Variants in SLC2A9 observed in about 807,000 individuals in gnomAD.
SLC2A9 encodes solute carrier family 2, facilitated glucose transporter member 9.
A neutral mutation model predicts 50.6 loss-of-function variants in SLC2A9; 39 were observed. The ratio of observed to expected loss-of-function variants is 0.77; its 90% CI spans 0.60 to 1.01. The LOEUF (loss-of-function observed/expected upper bound fraction) is 1.01, where lower values mean the gene tolerates loss of function less well. Ranked by LOEUF, SLC2A9 falls within the 50% of genes least tolerant of loss-of-function variation. SLC2A9 has a pLI of 0.00. For synonymous variants in SLC2A9, 324 were observed against 276.9 expected (o/e 1.17, Z -1.69); for missense variants, 686 against 677.6 (o/e 1.01, Z -0.14).
chr4:9,801,707 C>T (rs1721429670), intron 3 of SLC2A9, among the ~76,000 whole-genome samples: 1 of 152,166 alleles, frequency 6.6e-6, no homozygotes, highest in South Asian at 2.1e-4. Flanking sequence ...TCAGGGTGCC[C>T]AGGAACTGTC....
chr4:9,846,716 C>A (rs1386753503), intron 10 of SLC2A9, among the ~76,000 whole-genome samples: 1 of 152,182 alleles, frequency 6.6e-6, no homozygotes, highest in African/African-American at 2.4e-5. Context: ...ACCATTGGCA[C>A]TAACTCTTGC....
intron 7 of SLC2A9, among the ~76,000 whole-genome samples, chr4:9,909,010 T>C (rs1191068589): frequency 6.6e-6 from 1 of 152,190 alleles, no homozygotes; most frequent in African/African-American, 2.4e-5. Flanking sequence ...TTAACCTCCA[T>C]CGTAACTTTA....
intron 5 of SLC2A9, among the ~76,000 whole-genome samples, chr4:9,950,768 C>T (rs1750084547): frequency 2.8e-5 from 1 of 35,832 alleles, no homozygotes. Flanking sequence ...TAGCGGGCGC[C>T]TGTAGTCTCA....
At chr4:9,790,877 T>C (rs967958822) in intron 3 of SLC2A9, among the ~76,000 whole-genome samples, 3 of 152,272 alleles carry the variant, frequency 2.0e-5, no homozygotes, top group Admixed American at 2.0e-4. Flanking sequence ...GATCCTGCCC[T>C]GATCTTGCCT....
At chr4:9,945,576 G>A (rs77459722) in intron 5 of SLC2A9, among the ~76,000 whole-genome samples, 10,970 of 152,124 alleles carry the variant, frequency 0.072, 886 homozygotes, top group East Asian at 0.46. Flanking sequence ...ATGACTGGCC[G>A]CCAAATCTGG....
chr4:9,849,867 G>A (rs1729579982), intron 10 of SLC2A9, among the ~76,000 whole-genome samples: 1 of 152,110 alleles, frequency 6.6e-6, no homozygotes, highest in Non-Finnish European at 1.5e-5. Context: ...AGTCTTGCTG[G>A]TAGGTTCTCA....
At chr4:9,957,683 A>G (rs1335900341) in intron 5 of SLC2A9, among the ~76,000 whole-genome samples, 1 of 152,218 alleles carries the variant, frequency 6.6e-6, no homozygotes, top group Non-Finnish European at 1.5e-5. Flanking sequence ...AGAAATTAAA[A>G]ATATGATAAA....
At position 9,920,433 on chromosome 4, in the gene SLC2A9, G is replaced by T; in HGVS notation, c.954C>A (p.Val318=). ...LRAPYVRWQV[V]TVIVTMACYQ... ...AGCAGGCCATGGTGACAATCACGGT[G>T]ACCACCTGCCAGCGGACGTAGGGAG... The change falls in exon 7 of 12, where the codon GTC becomes GTA. Residue 318 remains valine (V), a synonymous_variant. Transcript: ENST00000264784. The T allele has an allele frequency of 3.7e-6, 6 of 1,614,154 alleles. No homozygotes were observed. The highest frequency in any genetic ancestry group is 5.1e-6 in the Non-Finnish European group (6 of 1,180,028).
At chr4:9,835,191 A>T (rs1424550586) in intron 10 of SLC2A9, among the ~76,000 whole-genome samples, 183 bp from the exon 11 acceptor site, 1 of 151,844 alleles carries the variant, frequency 6.6e-6, no homozygotes, top group Non-Finnish European at 1.5e-5. Flanking sequence ...ATTTTGAGAG[A>T]CTGTCCTGTG....
At chr4:9,983,969 T>C (rs1177735179) in intron 4 of SLC2A9, among the ~76,000 whole-genome samples, 5 of 151,962 alleles carry the variant, frequency 3.3e-5, no homozygotes, top group African/African-American at 7.3e-5. Context: ...AAAATGAACA[T>C]GAGAAAACAG....
chr4:9,921,172 T>G (rs1400746949), intron 6 of SLC2A9, among the ~76,000 whole-genome samples: 2 of 152,182 alleles, frequency 1.3e-5, no homozygotes. Context: ...TGTGATCCTC[T>G]GAAATACAAG....
chr4:9,795,818 C>G (rs763711729), downstream of SLC2A9, among the ~76,000 whole-genome samples: 6 of 152,176 alleles, frequency 3.9e-5, no homozygotes, highest in Non-Finnish European at 7.3e-5. Flanking sequence ...TTTTCACACT[C>G]TCTGTCCACA....
intron 6 of SLC2A9, among the ~76,000 whole-genome samples, chr4:9,929,975 C>T (rs1745608577): frequency 6.6e-6 from 1 of 152,166 alleles, no homozygotes; most frequent in Non-Finnish European, 1.5e-5. Flanking sequence ...CTCCCAAAGA[C>T]TCCCCTCCAA....
downstream of SLC2A9, among the ~76,000 whole-genome samples, chr4:9,776,535 T>C (rs1202091929): frequency 6.6e-6 from 1 of 152,034 alleles, no homozygotes; most frequent in East Asian, 1.9e-4. Context: ...AAGAGTGCTT[T>C]GAAATGCTGC....
chr4:9,908,459 T>C, intron 7 of SLC2A9, 114 bp from the exon 8 acceptor site: 2 of 713,526 alleles, frequency 2.8e-6, no homozygotes, highest in East Asian at 5.5e-5. Context: ...AGTCCCAAGG[T>C]GGAGAGGCGT....
chr4:9,963,692 A>C (rs2108952121), intron 5 of SLC2A9, among the ~76,000 whole-genome samples: 1 of 152,274 alleles, frequency 6.6e-6, no homozygotes, highest in East Asian at 1.9e-4. Context: ...GGAATGTAGA[A>C]AAAGGAGGTT....
chr4:9,840,299 A>C (rs1252457152), intron 10 of SLC2A9, among the ~76,000 whole-genome samples: 1 of 152,156 alleles, frequency 6.6e-6, no homozygotes, highest in Non-Finnish European at 1.5e-5. Flanking sequence ...TATCTCTCTT[A>C]CTGAAGGCCT....
chr4:9,996,593 T>TG (rs1758713291), intron 3 of SLC2A9, among the ~76,000 whole-genome samples, 188 bp downstream of exon 3: 1 of 152,076 alleles, frequency 6.6e-6, no homozygotes, highest in Non-Finnish European at 1.5e-5. Flanking sequence ...CTCATCAGCC[T>TG]GCAGTCCATG....
At chr4:9,990,740 C>T (rs946831388) in intron 3 of SLC2A9, among the ~76,000 whole-genome samples, 14 of 152,170 alleles carry the variant, frequency 9.2e-5, no homozygotes, top group Admixed American at 8.5e-4. Flanking sequence ...GGAACCCTGC[C>T]GTCCCGAAGT....
Sources: gnomAD v4.1 joint callset for allele counts (sites outside exome capture counted in the v4.1 genomes callset) on GRCh38, gnomAD v4.1.1 for gene constraint, MANE v1.5 for transcripts, NCBI Gene and HGNC (gene_info 2026-07-23, HGNC 2026-07-21) for gene names.